The following ZZZ3 variants were observed in gnomAD, a reference collection of about 807,000 sequenced individuals.
ZZZ3 encodes ZZ-type zinc finger-containing protein 3.
In ZZZ3, 22 loss-of-function variants were observed where a neutral mutation model predicts 95.2. That is an observed-to-expected ratio of 0.23 (90% CI 0.17 to 0.33). The LOEUF (loss-of-function observed/expected upper bound fraction) is 0.33, where lower values mean the gene tolerates loss of function less well. ZZZ3 is among the 10% of genes least tolerant of loss of function. The pLI is 1.00. For missense variants in ZZZ3, 885 were observed against 1,066.5 expected, an observed-to-expected ratio of 0.83 and a Z score of 2.37; for synonymous variants, 335 against 358.9, an observed-to-expected ratio of 0.93 and a Z score of 0.75.
At chr1:77,566,917 A>G (rs1040344033) in intron 13 of ZZZ3, among the ~76,000 whole-genome samples, 1 of 152,202 alleles carries the variant, frequency 6.6e-6, no homozygotes, top group African/African-American at 2.4e-5. Flanking sequence ...CAGAATGGCA[A>G]ACAAGCCATG....
intron 5 of ZZZ3, among the ~76,000 whole-genome samples, chr1:77,587,998 C>A (rs1440906499): frequency 6.6e-6 from 1 of 152,140 alleles, no homozygotes; most frequent in Non-Finnish European, 1.5e-5. Flanking sequence ...GTATAAAGTA[C>A]ATGTAACAGA....
Position 77,641,510 on chromosome 1 carries a change from A to C in ZZZ3, c.-269+12T>G. Reference sequence around the variant, plus strand: ...CCCACATGGCCTTAATTAAGATTACATTATTTCTTACCTTTTAAAAAGCGT... The same window carrying C: ...CCCACATGGCCTTAATTAAGATTACCTTATTTCTTACCTTTTAAAAAGCGT... On this transcript the variant is annotated intron_variant, in intron 2 of 14. Coordinates refer to ENST00000370801, the MANE Select transcript of ZZZ3 (RefSeq NM_015534.6). 2.5e-6 allele frequency: 1 copy of C among 398,030 alleles called. No individual in the cohort carries two copies. Among genetic ancestry groups the C allele is most frequent in the Non-Finnish European group, 4.4e-6 (1 of 225,748 alleles). 24.7% of individuals were successfully genotyped at this position (398,030 alleles called of 1,614,324 possible).
chr1:77,585,668 T>C (rs1346825405), intron 5 of ZZZ3, among the ~76,000 whole-genome samples: 1 of 152,234 alleles, frequency 6.6e-6, no homozygotes, highest in African/African-American at 2.4e-5. Context: ...GTTTTGTTCA[T>C]TGTTTTGTTT....
chr1:77,670,082 C>G (rs1420699772), intron 1 of ZZZ3, among the ~76,000 whole-genome samples: 2 of 148,860 alleles, frequency 1.3e-5, no homozygotes, highest in African/African-American at 4.9e-5. Context: ...ACCCCCCCCC[C>G]CCATATTACT....
chr1:77,682,089 T>C (rs931017601), intron 1 of ZZZ3, among the ~76,000 whole-genome samples: 3 of 152,106 alleles, frequency 2.0e-5, no homozygotes, highest in Admixed American at 6.6e-5. Flanking sequence ...ACAGGTGTTG[T>C]CAGAGACATA....
In ZZZ3 at chr1:77,564,911, C is replaced by A. The variant is rs1372279585; in HGVS notation, c.*729G>T. 6.6e-6 allele frequency: 1 copy of A among 152,580 alleles called. No homozygotes were observed. The highest frequency in any genetic ancestry group is 1.5e-5 in the Non-Finnish European group (1 of 68,012). 9.5% of individuals were successfully genotyped at this position (152,580 alleles called of 1,614,324 possible). A position where few individuals can be genotyped will look rare whatever the true frequency, so the allele number is the denominator to read the frequency against. On this transcript the variant is annotated 3_prime_UTR_variant, in exon 15 of 15. Coordinates refer to ENST00000370801, the MANE Select transcript of ZZZ3 (RefSeq NM_015534.6). ...CACAGTTACTACCACTGGCACTTTTCACCATAGTTTGTACACATCACATGA... is the reference window on the plus strand; with the variant it reads ...CACAGTTACTACCACTGGCACTTTTAACCATAGTTTGTACACATCACATGA...
At chr1:77,674,633 G>T (rs1229118812) in intron 1 of ZZZ3, among the ~76,000 whole-genome samples, 1 of 152,078 alleles carries the variant, frequency 6.6e-6, no homozygotes, top group African/African-American at 2.4e-5. Context: ...TAAAAAGAAG[G>T]AAAAAGAGGA....
At chr1:77,652,246 A>G (rs1003576777) in intron 1 of ZZZ3, among the ~76,000 whole-genome samples, 1 of 152,160 alleles carries the variant, frequency 6.6e-6, no homozygotes, top group African/African-American at 2.4e-5. Context: ...AAACCCTTAC[A>G]ACTTAATAAA....
rs140208667 is a variant in ZZZ3, at chr1:77,632,717, A to G, written c.638T>C (p.Ile213Thr). ...ATCAGGCTGACAGTCATCACAGTTT[A>G]TAACAGCTGAATCACTGTCATCAAC... Reference protein sequence around the residue: ...NGVDDSDSAVINCDDCQPDGN... With the variant: ...NGVDDSDSAVTNCDDCQPDGN... Residue 213 changes from isoleucine to threonine, a missense_variant, in exon 5 of 15, where the codon ATA becomes ACA. Physicochemically the swap from Ile to Thr is moderately conservative, Grantham distance 89. Around this residue, in one of 5 missense-constraint regions of ZZZ3, gnomAD observed 556 missense variants for 652.9 expected, o/e 0.85. Coordinates refer to ENST00000370801, the MANE Select transcript of ZZZ3 (RefSeq NM_015534.6). 7.7e-5 allele frequency: 124 copies of G among 1,614,098 alleles called. No homozygotes were observed. In the Middle Eastern group the frequency reaches 8.2e-4, roughly 11 times the overall value.
intron 5 of ZZZ3, among the ~76,000 whole-genome samples, chr1:77,592,508 G>T (rs184047560): frequency 6.6e-6 from 1 of 152,066 alleles, no homozygotes; most frequent in Non-Finnish European, 1.5e-5. Flanking sequence ...CACCATGTTG[G>T]TCAGGCTGGT....
chr1:77,633,670 A>C (rs1010740741), intron 4 of ZZZ3, among the ~76,000 whole-genome samples: 2 of 152,216 alleles, frequency 1.3e-5, no homozygotes, highest in Non-Finnish European at 2.9e-5. Flanking sequence ...CTTAAGTCTC[A>C]CAACAACTCA....
chr1:77,591,266 G>A (rs1263487050), intron 5 of ZZZ3, among the ~76,000 whole-genome samples: 1 of 152,184 alleles, frequency 6.6e-6, no homozygotes, highest in Non-Finnish European at 1.5e-5. Flanking sequence ...TACAGGAAGT[G>A]CAAATTCAGT....
intron 1 of ZZZ3, among the ~76,000 whole-genome samples, chr1:77,652,984 C>T (rs934329641): frequency 6.6e-6 from 1 of 152,040 alleles, no homozygotes; most frequent in African/African-American, 2.4e-5. Context: ...TGCAGGAGTT[C>T]GAGACCATCT....
chr1:77,582,936 C>T (rs1662676848), intron 6 of ZZZ3, among the ~76,000 whole-genome samples: 1 of 151,860 alleles, frequency 6.6e-6, no homozygotes, highest in South Asian at 2.1e-4. Flanking sequence ...GAAACCCAGT[C>T]TCTACTAAAA....
chr1:77,628,374 T>C (rs1458645451), intron 5 of ZZZ3, among the ~76,000 whole-genome samples: 1 of 152,208 alleles, frequency 6.6e-6, no homozygotes, highest in Non-Finnish European at 1.5e-5. Flanking sequence ...GAGAAAAAGA[T>C]ATTCTCTGGT....
chr1:77,585,379 A>G (rs1437161509), intron 5 of ZZZ3, among the ~76,000 whole-genome samples: 1 of 152,164 alleles, frequency 6.6e-6, no homozygotes, highest in Non-Finnish European at 1.5e-5. Flanking sequence ...ATCTCACTAC[A>G]ATACATCTAT....
rs34952237 is a variant in ZZZ3, at chr1:77,587,258, CTTTTTTTTTT to C, written c.1506-2613_1506-2604del. 4.3e-3 allele frequency among the ~76,000 whole-genome samples: 366 copies of C among 85,282 alleles called. 1 individual carries two copies. Among genetic ancestry groups the C allele is most frequent in the African/African-American group, 0.014 (350 of 24,576 alleles). The allele number at this position is 85,282 out of a possible 152,430, so 55.9% of individuals were successfully genotyped here. On this transcript the variant is annotated intron_variant, in intron 5 of 14. Coordinates refer to ENST00000370801, the MANE Select transcript of ZZZ3 (RefSeq NM_015534.6). ...TTAAAAATCAACTCCAACTTTGACC[CTTTTTTTTTT>C]TTTTTTTTTTTTGAGACAGAGTCTC...
intron 5 of ZZZ3, among the ~76,000 whole-genome samples, chr1:77,600,845 G>A (rs901832021): frequency 1.3e-5 from 2 of 151,966 alleles, no homozygotes; most frequent in South Asian, 2.1e-4. Context: ...TAACTAGGAC[G>A]GAGTTTTAAA....
intron 1 of ZZZ3, among the ~76,000 whole-genome samples, chr1:77,680,327 A>C (rs562708353): frequency 1.3e-5 from 2 of 152,242 alleles, no homozygotes; most frequent in South Asian, 4.1e-4. Flanking sequence ...GAGCCTGACT[A>C]TTCTTGCACC....
Sources: allele counts gnomAD v4.1 joint callset (sites outside exome capture counted in the v4.1 genomes callset), GRCh38; gene constraint gnomAD v4.1.1; regional missense constraint gnomAD v4.1.1; transcripts MANE v1.5; gene names NCBI Gene and HGNC (gene_info 2026-07-23, HGNC 2026-07-21).